Variants in LMBRD2 observed in about 807,000 individuals in gnomAD.
LMBRD2 encodes G protein-coupled receptor-associated protein LMBRD2.
A neutral mutation model predicts 94.4 loss-of-function variants in LMBRD2; 55 were observed. The ratio of observed to expected loss-of-function variants is 0.58; its 90% CI spans 0.47 to 0.73. The LOEUF (loss-of-function observed/expected upper bound fraction) is 0.73. Ranked by LOEUF, LMBRD2 falls within the 30% of genes least tolerant of loss-of-function variation. The pLI is 0.00. For synonymous variants in LMBRD2, 246 were observed against 272.4 expected (o/e 0.90, Z 0.95); for missense variants, 640 against 831.9 (o/e 0.77, Z 2.84).
At chr5:36,111,751 G>A (rs78242574) in intron 13 of LMBRD2, among the ~76,000 whole-genome samples, 2,627 of 152,126 alleles carry the variant, frequency 0.017, 77 homozygotes, top group African/African-American at 0.06. Context: ...GGAAGGAAAT[G>A]ATAGGTGAAT....
rs529502602 is a variant in LMBRD2, at chr5:36,147,836, A to C, written c.-58+3720T>G. ...AATGGGTACCAAGTGATCAGAACACAAACAAAACACTGACAACAATTTTGT... is the reference window on the plus strand; with the variant it reads ...AATGGGTACCAAGTGATCAGAACACCAACAAAACACTGACAACAATTTTGT... On this transcript the variant is annotated intron_variant, in intron 1 of 17. Coordinates refer to ENST00000296603, the MANE Select transcript of LMBRD2 (RefSeq NM_001007527.2). The C allele has an allele frequency of 1.9e-3, 792 of 413,916 alleles. 19 individuals are homozygous for C. The highest frequency in any genetic ancestry group is 0.013 in the South Asian group (772 of 57,294). 25.6% of individuals were successfully genotyped at this position (413,916 alleles called of 1,614,324 possible).
Position 36,098,564 on chromosome 5 carries a change from T to TA in LMBRD2, c.*5481dup. On this transcript the variant is annotated 3_prime_UTR_variant, in exon 18 of 18. Coordinates refer to ENST00000296603, the MANE Select transcript of LMBRD2 (RefSeq NM_001007527.2). The stretch of plus-strand genomic sequence containing the variant: ...AATCAGCAAAATTCTTATTAACTTG[T>TA]AGAAATGTAATTTATTTCATGCAAA... 6.6e-6 allele frequency: 1 copy of TA among 152,098 alleles called. No individual in the cohort carries two copies. 9.4% of individuals were successfully genotyped at this position (152,098 alleles called of 1,614,324 possible).
chr5:36,134,040 A>T (rs1426254987), intron 6 of LMBRD2, among the ~76,000 whole-genome samples: 2 of 152,122 alleles, frequency 1.3e-5, no homozygotes, highest in Admixed American at 1.3e-4. Flanking sequence ...ATCAAATATA[A>T]GTATCTTATT....
intron 6 of LMBRD2, among the ~76,000 whole-genome samples, chr5:36,131,068 A>C (rs552610935): frequency 6.6e-6 from 1 of 152,296 alleles, no homozygotes; most frequent in South Asian, 2.1e-4. Context: ...CCTGATAGAC[A>C]CTCATGCAAA....
chr5:36,141,434 C>CA (rs1293234842), intron 3 of LMBRD2, among the ~76,000 whole-genome samples: 1 of 152,094 alleles, frequency 6.6e-6, no homozygotes. Context: ...TTTAAGTTTT[C>CA]AACTTTCAGT....
At chr5:36,115,423 C>T (rs940017654) in intron 11 of LMBRD2, among the ~76,000 whole-genome samples, 18 of 152,122 alleles carry the variant, frequency 1.2e-4, no homozygotes, top group Non-Finnish European at 2.4e-4. Flanking sequence ...ACTAAGCCAT[C>T]CGTAAAATCC....
At chr5:36,133,633 T>G (rs1411617214) in intron 6 of LMBRD2, among the ~76,000 whole-genome samples, 1 of 152,068 alleles carries the variant, frequency 6.6e-6, no homozygotes, top group Non-Finnish European at 1.5e-5. Context: ...TGGAAAGAGG[T>G]TCAGAGTTCT....
chr5:36,144,317 T>G (rs938333407), intron 1 of LMBRD2, among the ~76,000 whole-genome samples: 1 of 152,202 alleles, frequency 6.6e-6, no homozygotes, highest in African/African-American at 2.4e-5. Context: ...TAGACTTTTG[T>G]TTATCTACAT....
chr5:36,139,386 C>A (rs1025147824), intron 4 of LMBRD2, among the ~76,000 whole-genome samples: 2 of 152,142 alleles, frequency 1.3e-5, no homozygotes, highest in Non-Finnish European at 2.9e-5. Flanking sequence ...GCATGAACAG[C>A]CTGGGTGCCA....
intron 6 of LMBRD2, among the ~76,000 whole-genome samples, chr5:36,133,684 C>T (rs1012940592): frequency 6.6e-6 from 1 of 152,092 alleles, no homozygotes; most frequent in Non-Finnish European, 1.5e-5. Flanking sequence ...TCAAAACATC[C>T]ATTTTTAAAG....
At chr5:36,124,916 C>G (rs1321389579) in intron 6 of LMBRD2, among the ~76,000 whole-genome samples, 1 of 151,558 alleles carries the variant, frequency 6.6e-6, no homozygotes, top group Non-Finnish European at 1.5e-5. Context: ...AGTCTCATAA[C>G]CTGGTCTCTA....
At chr5:36,142,890 A>AT (rs1236359785) in intron 2 of LMBRD2, 48 of 368,218 alleles carry the variant, frequency 1.3e-4, no homozygotes, top group African/African-American at 1.7e-4. Context: ...ACGTCCGGCT[A>AT]TTTTTTTTGT....
chr5:36,114,987 A>C (rs375602385), intron 12 of LMBRD2, 28 bp downstream of exon 12: 1 of 1,399,336 alleles, frequency 7.1e-7, no homozygotes, highest in Non-Finnish European at 1.0e-6. Flanking sequence ...AGTGAACCTA[A>C]GGAATTCTAT....
At chr5:36,142,671 T>C (rs2111910570) in intron 2 of LMBRD2, 72 bp from the exon 3 acceptor site, 2 of 840,212 alleles carry the variant, frequency 2.4e-6, no homozygotes, top group East Asian at 2.5e-5. Context: ...CATCAGAGTT[T>C]ATAAATCTAT....
chr5:36,120,407 C>T (rs796562500), intron 9 of LMBRD2, among the ~76,000 whole-genome samples: 6 of 152,202 alleles, frequency 3.9e-5, no homozygotes, highest in African/African-American at 9.6e-5. Context: ...ACTACAGGCA[C>T]GCACCACCAC....
rs1380652786 is a variant in LMBRD2, at chr5:36,108,526, C to T, written c.1897+8G>A. 1.4e-6 allele frequency: 2 copies of T among 1,441,528 alleles called. No individual in the cohort carries two copies. The highest frequency in any genetic ancestry group is 1.9e-6 in the Non-Finnish European group (2 of 1,044,160). 89.3% of individuals were successfully genotyped at this position (1,441,528 alleles called of 1,614,324 possible). ...ATTTCCAAGTGAACTAGAAGATAAA[C>T]TACTTACAACGGTTGGTATTAACAT... is the stretch of plus-strand genomic sequence containing the variant. On this transcript the variant is annotated splice_region_variant and intron_variant, in intron 16 of 17. Coordinates refer to ENST00000296603, the MANE Select transcript of LMBRD2 (RefSeq NM_001007527.2).
intron 13 of LMBRD2, among the ~76,000 whole-genome samples, chr5:36,113,787 C>T (rs1029925401): frequency 1.3e-5 from 2 of 152,038 alleles, no homozygotes; most frequent in African/African-American, 2.4e-5. Flanking sequence ...GATGAGGAGG[C>T]CTGACATGTA....
At chr5:36,106,508 C>CTTTTTTTT (rs201602814) in intron 16 of LMBRD2, among the ~76,000 whole-genome samples, 1 of 132,868 alleles carries the variant, frequency 7.5e-6, no homozygotes. Flanking sequence ...TTTTTTCTTT[C>CTTTTTTTT]GTTTTTTTTT....
At chr5:36,119,817 C>T (rs1017435808) in intron 9 of LMBRD2, among the ~76,000 whole-genome samples, 5 of 152,192 alleles carry the variant, frequency 3.3e-5, no homozygotes, top group Admixed American at 1.3e-4. Context: ...AAAACAGAAG[C>T]GATCAGAGAA....
Sources: allele counts gnomAD v4.1 joint callset (sites outside exome capture counted in the v4.1 genomes callset), GRCh38; gene constraint gnomAD v4.1.1; transcripts MANE v1.5; gene names NCBI Gene and HGNC (gene_info 2026-07-23, HGNC 2026-07-21).